PCDHA4: variants seen among roughly 807,000 people sequenced by gnomAD.
The protein encoded by PCDHA4 is protocadherin alpha-4.
Under a neutral mutation model 61.4 loss-of-function variants are expected in PCDHA4, and 49 were observed. The ratio of observed to expected loss-of-function variants is 0.80; its 90% confidence interval spans 0.63 to 1.01. The LOEUF is 1.01. PCDHA4 is among the 50% of genes least tolerant of loss of function. The probability of loss-of-function intolerance (pLI) is 0.00; values close to 1 mark genes in which losing one functional copy is unlikely to be tolerated. For synonymous variants in PCDHA4, 590 were observed against 550.3 expected (o/e 1.07, Z -1.01); for missense variants, 1,254 against 1,235.8 (o/e 1.01, Z -0.22).
intron 3 of PCDHA4, among the ~76,000 whole-genome samples, chr5:140,990,438 T>C (rs2097393735): frequency 2.0e-5 from 3 of 152,222 alleles, no homozygotes; most frequent in Admixed American, 2.0e-4. Context: ...CCCAATCTTG[T>C]GTCCAGAGCT....
chr5:140,991,191 A>G (rs1316296536), intron 3 of PCDHA4, among the ~76,000 whole-genome samples: 2 of 152,218 alleles, frequency 1.3e-5, no homozygotes, highest in South Asian at 2.1e-4. Flanking sequence ...CTAGCACACA[A>G]TGATGCTCAA....
chr5:140,829,701 C>A, intron 1 of PCDHA4: 1 of 1,613,356 alleles, frequency 6.2e-7, no homozygotes, highest in Non-Finnish European at 8.5e-7. Context: ...CAGGTGAGCG[C>A]GCGCGACGCG....
At chr5:140,858,750 C>T (rs1397058081) in intron 1 of PCDHA4, 3 of 453,980 alleles carry the variant, frequency 6.6e-6, no homozygotes, top group South Asian at 3.1e-5. Flanking sequence ...AATCACTTTT[C>T]GTTACAAATA....
chr5:140,863,319 C>A, intron 1 of PCDHA4: 1 of 1,445,714 alleles, frequency 6.9e-7, no homozygotes, highest in Non-Finnish European at 9.4e-7. Context: ...TGGTGTCCAG[C>A]CTGTTAGTGC....
chr5:140,904,365 A>G (rs1036617665), intron 1 of PCDHA4, among the ~76,000 whole-genome samples: 2 of 151,790 alleles, frequency 1.3e-5, no homozygotes, highest in African/African-American at 4.8e-5. Context: ...CCATTATTTC[A>G]TTCCTTTTTA....
In PCDHA4 at chr5:140,856,147, A is replaced by C. The variant is rs142037616; in HGVS notation, c.2385+46575A>C. Reference sequence around the variant, plus strand: ...TGGGGAGCGGCCAGCTCCACTACTCAGTCTACGAGGAGGCCAGACACGGCA... The same window carrying C: ...TGGGGAGCGGCCAGCTCCACTACTCCGTCTACGAGGAGGCCAGACACGGCA... On this transcript the variant is annotated intron_variant, in intron 1 of 3. Coordinates refer to ENST00000530339, the MANE Select transcript of PCDHA4 (RefSeq NM_018907.4). 34 of 1,598,116 alleles carry C rather than the reference A, an allele frequency of 2.1e-5. 2 individuals are homozygous for C. Among genetic ancestry groups the C allele is most frequent in the Middle Eastern group, 1.7e-4 (1 of 6,012 alleles).
At chr5:140,822,845 C>G in intron 1 of PCDHA4, 1 of 1,614,190 alleles carries the variant, frequency 6.2e-7, no homozygotes, top group Non-Finnish European at 8.5e-7. Flanking sequence ...CTTTTCCTGC[C>G]TGTCAAAGAG....
At chr5:140,968,835 A>C in intron 1 of PCDHA4, 2 of 1,614,194 alleles carry the variant, frequency 1.2e-6, no homozygotes, top group Non-Finnish European at 1.7e-6. Flanking sequence ...ATCCTCCCTG[A>C]CACTCAGAGG....
chr5:140,823,583 A>G (rs1767781648), intron 1 of PCDHA4: 2 of 1,613,950 alleles, frequency 1.2e-6, no homozygotes, highest in Non-Finnish European at 1.7e-6. Context: ...TCGGGCTACA[A>G]CGCTTGGCTT....
rs1316555766 is a variant in PCDHA4, at chr5:141,011,101, T to C, written c.*1164T>C. 1.3e-5 allele frequency: 2 copies of C among 153,710 alleles called. No homozygotes were observed. The highest frequency in any genetic ancestry group is 2.9e-5 in the Non-Finnish European group (2 of 68,016). The allele number at this position is 153,710 out of a possible 1,614,324, so 9.5% of individuals were successfully genotyped here. A position where few individuals can be genotyped will look rare whatever the true frequency, so the allele number is the denominator to read the frequency against. On this transcript the variant is annotated 3_prime_UTR_variant, in exon 4 of 4. Coordinates refer to ENST00000530339, the MANE Select transcript of PCDHA4 (RefSeq NM_018907.4). ...AATGATCTCTCTTTCTCTCTCTCTC[T>C]CTCTTTTCTAAGAAACAATTATGTG...
In PCDHA4 at chr5:140,884,485, A is replaced by G. The variant is rs781880810; in HGVS notation, c.2385+74913A>G. 8 of 1,613,726 alleles carry G rather than the reference A, an allele frequency of 5.0e-6. No homozygotes were observed. The South Asian group carries it at 6.6e-5, about 13-fold the overall frequency. Reference sequence around the variant, plus strand: ...CGTGCGCGCCGGGCAAGCCCACTCTAGTGTGCTCCAGCGCGGCAGGGAGTT... The same window carrying G: ...CGTGCGCGCCGGGCAAGCCCACTCTGGTGTGCTCCAGCGCGGCAGGGAGTT... On this transcript the variant is annotated intron_variant, in intron 1 of 3. Transcript: ENST00000530339.
intron 1 of PCDHA4, among the ~76,000 whole-genome samples, chr5:140,935,536 G>C (rs2090424655): frequency 6.6e-6 from 1 of 152,104 alleles, no homozygotes; most frequent in Non-Finnish European, 1.5e-5. Context: ...TCAAATTATT[G>C]TGTTTTAAAG....
intron 1 of PCDHA4, chr5:140,857,535 G>A (rs1413308998): frequency 1.9e-6 from 3 of 1,597,418 alleles, no homozygotes; most frequent in Non-Finnish European, 2.6e-6. Flanking sequence ...CTGGTGGAGC[G>A]GCGGTTGGGC....
intron 1 of PCDHA4, among the ~76,000 whole-genome samples, chr5:140,933,209 G>GTC (rs140472192): frequency 0.32 from 48,939 of 151,636 alleles, 8,153 homozygotes; most frequent in East Asian, 0.53. Flanking sequence ...TAAATTACAT[G>GTC]TCTGTTATAT....
intron 1 of PCDHA4, chr5:140,821,950 G>C (rs1484669831): frequency 6.2e-7 from 1 of 1,614,058 alleles, no homozygotes; most frequent in Non-Finnish European, 8.5e-7. Flanking sequence ...GGCGGAGCTG[G>C]TGCCGCGCCT....
intron 1 of PCDHA4, among the ~76,000 whole-genome samples, chr5:140,918,743 A>T (rs1346660934): frequency 6.6e-6 from 1 of 152,196 alleles, no homozygotes; most frequent in Non-Finnish European, 1.5e-5. Flanking sequence ...CCCTTATAAA[A>T]GAGGCCCAGA....
chr5:140,841,155 C>T (rs1777049079), intron 1 of PCDHA4: 1 of 842,000 alleles, frequency 1.2e-6, no homozygotes, highest in South Asian at 1.9e-5. Context: ...TCGCTGTCTA[C>T]CAAGAAGTTC....
chr5:140,909,214 T>C (rs1394994856), intron 1 of PCDHA4, among the ~76,000 whole-genome samples: 2 of 152,232 alleles, frequency 1.3e-5, no homozygotes, highest in African/African-American at 2.4e-5. Context: ...AGAGTTGATA[T>C]ACCCCTGAGG....
At chr5:140,851,386 G>A (rs1374142206) in intron 1 of PCDHA4, 1 of 975,080 alleles carries the variant, frequency 1.0e-6, no homozygotes, top group African/African-American at 1.8e-5. Flanking sequence ...GCAACCTTCA[G>A]TATCTATTAT....
Sources: allele counts gnomAD v4.1 joint callset (sites outside exome capture counted in the v4.1 genomes callset), GRCh38; gene constraint gnomAD v4.1.1; transcripts MANE v1.5; gene names NCBI Gene and HGNC (gene_info 2026-07-23, HGNC 2026-07-21).